The following CADPS2 variants were observed in gnomAD, a reference collection of about 807,000 sequenced individuals.
CADPS2 encodes calcium dependent secretion activator 2.
In CADPS2, 93 loss-of-function variants were observed where a neutral mutation model predicts 172.5. The ratio of observed to expected loss-of-function variants is 0.54; its 90% CI spans 0.46 to 0.64. The LOEUF (loss-of-function observed/expected upper bound fraction) is 0.64. CADPS2 is among the 30% of genes least tolerant of loss of function. CADPS2 has a pLI of 0.00. For missense variants in CADPS2, 1,420 were observed against 1,565.9 expected, an observed-to-expected ratio of 0.91 and a Z score of 1.57; for synonymous variants, 546 against 555.2, an observed-to-expected ratio of 0.98 and a Z score of 0.23.
At chr7:122,454,696 C>T (rs1191836644) in intron 14 of CADPS2, among the ~76,000 whole-genome samples, 1 of 152,078 alleles carries the variant, frequency 6.6e-6, no homozygotes, top group African/African-American at 2.4e-5. Context: ...TTTACAAAAG[C>T]CTTGAGAGAA....
intron 2 of CADPS2, among the ~76,000 whole-genome samples, chr7:122,723,185 C>T (rs1002677261): frequency 1.3e-5 from 2 of 152,092 alleles, no homozygotes; most frequent in African/African-American, 4.8e-5. Flanking sequence ...CAAATGGGAT[C>T]TAATTAAACT....
At chr7:122,632,578 T>C (rs1172842049) in intron 3 of CADPS2, among the ~76,000 whole-genome samples, 2 of 152,198 alleles carry the variant, frequency 1.3e-5, no homozygotes, top group Non-Finnish European at 2.9e-5. Context: ...AAGTTCCTTG[T>C]AGATATCTGT....
chr7:122,621,251 C>T (rs924056008), intron 5 of CADPS2, among the ~76,000 whole-genome samples: 1 of 152,012 alleles, frequency 6.6e-6, no homozygotes, highest in African/African-American at 2.4e-5. Flanking sequence ...AGAAGACTTG[C>T]CTTAAAACTT....
chr7:122,785,632 G>A (rs1793852382), intron 1 of CADPS2, among the ~76,000 whole-genome samples: 1 of 152,082 alleles, frequency 6.6e-6, no homozygotes, highest in South Asian at 2.1e-4. Flanking sequence ...CCTCCTCTTG[G>A]GCTCAAGGAC....
intron 6 of CADPS2, among the ~76,000 whole-genome samples, chr7:122,590,279 A>AAACC (rs2070567605): frequency 6.6e-6 from 1 of 151,992 alleles, no homozygotes; most frequent in Non-Finnish European, 1.5e-5. Context: ...ACAGATATAC[A>AAACC]AACCAATGGA....
intron 27 of CADPS2, among the ~76,000 whole-genome samples, chr7:122,352,891 C>T (rs574111534): frequency 1.3e-5 from 2 of 152,292 alleles, no homozygotes; most frequent in South Asian, 4.2e-4. Flanking sequence ...TGGAAGGCAA[C>T]TGGTTTTTCT....
At chr7:122,565,566 C>T (rs1242681645) in intron 7 of CADPS2, among the ~76,000 whole-genome samples, 1 of 152,196 alleles carries the variant, frequency 6.6e-6, no homozygotes, top group South Asian at 2.1e-4. Flanking sequence ...GAATAACCAA[C>T]TAATTTGAAT....
chr7:122,816,992 C>T (rs751485926), intron 1 of CADPS2, among the ~76,000 whole-genome samples: 6 of 151,506 alleles, frequency 4.0e-5, no homozygotes, highest in African/African-American at 1.2e-4. Context: ...CACTCCTGCC[C>T]GCCAGAGAAC....
At chr7:122,746,757 T>C (rs2092734835) in intron 1 of CADPS2, among the ~76,000 whole-genome samples, 1 of 152,126 alleles carries the variant, frequency 6.6e-6, no homozygotes, top group Non-Finnish European at 1.5e-5. Context: ...GCTCTATCAC[T>C]ACATTCCCCT....
intron 28 of CADPS2, among the ~76,000 whole-genome samples, chr7:122,334,268 G>A (rs1287250276): frequency 6.6e-6 from 1 of 152,112 alleles, no homozygotes; most frequent in African/African-American, 2.4e-5. Flanking sequence ...GATGTACTCA[G>A]CCCTCCAGAG....
chr7:122,825,302 C>A (rs1804561584), intron 1 of CADPS2, among the ~76,000 whole-genome samples: 2 of 152,132 alleles, frequency 1.3e-5, no homozygotes, highest in Non-Finnish European at 2.9e-5. Flanking sequence ...ATCATGCCAT[C>A]AATTGTAAAA....
intron 1 of CADPS2, among the ~76,000 whole-genome samples, chr7:122,836,723 G>A (rs912487561): frequency 4.6e-5 from 7 of 152,138 alleles, no homozygotes; most frequent in African/African-American, 1.7e-4. Flanking sequence ...AACAAGAAGA[G>A]CTAACTATCT....
intron 8 of CADPS2, among the ~76,000 whole-genome samples, chr7:122,546,845 T>C (rs2063673409): frequency 6.6e-6 from 1 of 152,140 alleles, no homozygotes; most frequent in Non-Finnish European, 1.5e-5. Context: ...ACTGGTTCCT[T>C]GTATATTTCT....
chr7:122,772,161 G>C (rs1005905761), intron 1 of CADPS2, among the ~76,000 whole-genome samples: 2 of 152,216 alleles, frequency 1.3e-5, no homozygotes, highest in African/African-American at 2.4e-5. Context: ...CTGAAGAACA[G>C]AGGTAGGGTT....
At chr7:122,471,873 C>A (rs1031646568) in intron 13 of CADPS2, among the ~76,000 whole-genome samples, 2 of 151,910 alleles carry the variant, frequency 1.3e-5, no homozygotes, top group Non-Finnish European at 2.9e-5. Flanking sequence ...GAGTGTTACT[C>A]CAAAAATCTC....
At chr7:122,334,202 A>C (rs10238734) in intron 28 of CADPS2, among the ~76,000 whole-genome samples, 23,017 of 149,034 alleles carry the variant, frequency 0.15, 1,777 homozygotes, top group African/African-American at 0.17. Flanking sequence ...ATATGAGAAT[A>C]CACACACACA....
chr7:122,585,902 C>T (rs975675312), intron 6 of CADPS2: 2 of 151,968 alleles, frequency 1.3e-5, no homozygotes, highest in African/African-American at 4.8e-5. Flanking sequence ...ATGTTCATAT[C>T]TTTTAACCTA....
chr7:122,621,421 G>T (rs2075596130), intron 5 of CADPS2, 60 bp downstream of exon 5: 1 of 1,106,280 alleles, frequency 9.0e-7, no homozygotes, highest in African/African-American at 1.6e-5. Context: ...AAGGTCAACA[G>T]AAATTATTGT....
chr7:122,342,211 G>A (rs1157937714), intron 28 of CADPS2, among the ~76,000 whole-genome samples: 1 of 152,144 alleles, frequency 6.6e-6, no homozygotes, highest in East Asian at 1.9e-4. Context: ...GATAGCAGCA[G>A]TGCAGAATAC....
Sources: allele counts gnomAD v4.1 joint callset (sites outside exome capture counted in the v4.1 genomes callset), GRCh38; gene constraint gnomAD v4.1.1; transcripts MANE v1.5; gene names NCBI Gene and HGNC (gene_info 2026-07-23, HGNC 2026-07-21).